The following MOB1B variants were observed in gnomAD, a reference collection of about 807,000 sequenced individuals.
MOB1B encodes MOB1 Mps One Binder homolog B.
A neutral mutation model predicts 24.4 loss-of-function variants in MOB1B; 19 were observed. The ratio of observed to expected loss-of-function variants is 0.78; its 90% CI spans 0.54 to 1.14. MOB1B has a LOEUF of 1.14. Among genes scored for constraint, MOB1B ranks in the 50% most tolerant of loss-of-function variants. MOB1B has a pLI of 0.00. For missense variants in MOB1B, 243 were observed against 259.6 expected (o/e 0.94, Z 0.44); for synonymous variants, 76 against 82.1 (o/e 0.93, Z 0.40).
chr4:70,955,873 A>G (rs1738026747), intron 1 of MOB1B, among the ~76,000 whole-genome samples: 1 of 151,956 alleles, frequency 6.6e-6, no homozygotes. Flanking sequence ...ATTACCATTT[A>G]TATTTATATA....
At chr4:70,976,525 A>G (rs1739003395) in intron 4 of MOB1B, 1 of 985,198 alleles carries the variant, frequency 1.0e-6, no homozygotes, top group Non-Finnish European at 1.2e-6. Flanking sequence ...TTACGTTTAG[A>G]TAGTCATGTT....
intron 1 of MOB1B, among the ~76,000 whole-genome samples, chr4:70,917,272 T>G (rs921592460): frequency 6.6e-6 from 1 of 152,216 alleles, no homozygotes; most frequent in African/African-American, 2.4e-5. Context: ...TATGGAAGTA[T>G]AAGGCTGGCT....
chr4:70,937,107 G>A (rs1254231146), intron 1 of MOB1B, among the ~76,000 whole-genome samples: 2 of 151,894 alleles, frequency 1.3e-5, no homozygotes, highest in African/African-American at 2.4e-5. Flanking sequence ...TAGTAGAGAC[G>A]GGGTTTTGCC....
intron 1 of MOB1B, among the ~76,000 whole-genome samples, chr4:70,955,901 C>T (rs1738027910): frequency 6.6e-6 from 1 of 151,840 alleles, no homozygotes; most frequent in Non-Finnish European, 1.5e-5. Flanking sequence ...TTTTAAATTT[C>T]ATTTTATTTT....
chr4:70,903,531 C>G (rs1735606885), intron 1 of MOB1B, among the ~76,000 whole-genome samples: 1 of 152,114 alleles, frequency 6.6e-6, no homozygotes, highest in East Asian at 1.9e-4. Flanking sequence ...GCACTCATTC[C>G]ATGTTTAGTC....
intron 1 of MOB1B, among the ~76,000 whole-genome samples, chr4:70,906,361 A>G (rs967663848): frequency 6.6e-6 from 1 of 152,178 alleles, no homozygotes; most frequent in African/African-American, 2.4e-5. Flanking sequence ...TGGACGACAG[A>G]GTGAGACCGT....
intron 1 of MOB1B, among the ~76,000 whole-genome samples, chr4:70,931,539 T>C (rs532912310): frequency 1.7e-3 from 263 of 152,318 alleles, no homozygotes; most frequent in Admixed American, 4.1e-3. Context: ...TCTGAATAAA[T>C]AGATTACCTT....
At chr4:70,946,569 C>G (rs921048605) in intron 1 of MOB1B, among the ~76,000 whole-genome samples, 1 of 152,082 alleles carries the variant, frequency 6.6e-6, no homozygotes, top group African/African-American at 2.4e-5. Flanking sequence ...TTTATTTATA[C>G]GCATGTAAGT....
intron 1 of MOB1B, among the ~76,000 whole-genome samples, chr4:70,913,870 G>A (rs1174954665): frequency 6.7e-6 from 1 of 150,270 alleles, no homozygotes; most frequent in African/African-American, 2.4e-5. Flanking sequence ...TTCTGTCATT[G>A]CTTCTAAATT....
At chr4:70,902,630 GCCC>G in intron 1 of MOB1B, 80 bp downstream of exon 1, 2 of 1,166,580 alleles carry the variant, frequency 1.7e-6, no homozygotes, top group African/African-American at 1.7e-5. Flanking sequence ...CCCGTCGCCC[GCCC>G]TCGTCCCGAC....
intron 1 of MOB1B, among the ~76,000 whole-genome samples, chr4:70,955,175 G>C (rs1442563165): frequency 6.6e-6 from 1 of 152,150 alleles, no homozygotes; most frequent in African/African-American, 2.4e-5. Context: ...GGGCAGAGTG[G>C]TTTGATTAGT....
Position 70,984,865 on chromosome 4 carries a change from TGTTA to T in MOB1B, c.*2812_*2815del, listed in dbSNP as rs1265852198. ...TTAGACTGCACTAAATTAACAAGCATGTTAGTTGCTGGTAGAGGTTTTGGAGGTT... is the reference window on the plus strand; with the variant it reads ...TTAGACTGCACTAAATTAACAAGCATGTTGCTGGTAGAGGTTTTGGAGGTT... On this transcript the variant is annotated 3_prime_UTR_variant, in exon 6 of 6. Coordinates refer to ENST00000309395, the MANE Select transcript of MOB1B (RefSeq NM_173468.4). The T allele has an allele frequency of 6.6e-6, 1 of 152,160 alleles. No individual in the cohort carries two copies. Among genetic ancestry groups the T allele is most frequent in the Non-Finnish European group, 1.5e-5 (1 of 67,998 alleles). 9.4% of individuals were successfully genotyped at this position (152,160 alleles called of 1,614,324 possible). A position where few individuals can be genotyped will look rare whatever the true frequency, so the allele number is the denominator to read the frequency against.
chr4:70,927,554 T>C (rs1329909910), intron 1 of MOB1B, among the ~76,000 whole-genome samples: 1 of 151,628 alleles, frequency 6.6e-6, no homozygotes, highest in Non-Finnish European at 1.5e-5. Context: ...AAAAAAAAAT[T>C]GCCGTCAATA....
chr4:70,940,676 AT>A (rs796738977), intron 1 of MOB1B, among the ~76,000 whole-genome samples: 412 of 141,532 alleles, frequency 2.9e-3, no homozygotes, highest in Admixed American at 2.7e-3. Flanking sequence ...TAGGGCATTA[AT>A]TTTTTTTTTT....
chr4:70,950,659 A>AAT (rs1737764488), intron 1 of MOB1B: 1 of 1,078,620 alleles, frequency 9.3e-7, no homozygotes, highest in African/African-American at 1.6e-5. Flanking sequence ...GCTTGCGGTA[A>AAT]ATGTTAGTTA....
chr4:70,975,340 A>G, intron 4 of MOB1B, 54 bp downstream of exon 4: 2 of 1,592,666 alleles, frequency 1.3e-6, no homozygotes, highest in African/African-American at 1.4e-5. Flanking sequence ...TTATATGTTT[A>G]TAGAATTTTC....
chr4:70,903,530 C>A (rs1735606763), intron 1 of MOB1B, among the ~76,000 whole-genome samples: 1 of 152,106 alleles, frequency 6.6e-6, no homozygotes, highest in Admixed American at 6.6e-5. Context: ...TGCACTCATT[C>A]CATGTTTAGT....
chr4:70,966,426 G>A (rs1738532592), intron 2 of MOB1B, among the ~76,000 whole-genome samples: 1 of 151,228 alleles, frequency 6.6e-6, no homozygotes, highest in South Asian at 2.1e-4. Context: ...CCAGGCTGGA[G>A]TGCAATGGCA....
At chr4:70,905,884 C>T (rs997067622) in intron 1 of MOB1B, among the ~76,000 whole-genome samples, 1 of 150,876 alleles carries the variant, frequency 6.6e-6, no homozygotes, top group Non-Finnish European at 1.5e-5. Flanking sequence ...GACAACATGG[C>T]GAAACTCTCT....
Sources: allele counts gnomAD v4.1 joint callset (sites outside exome capture counted in the v4.1 genomes callset), GRCh38; gene constraint gnomAD v4.1.1; transcripts MANE v1.5; gene names NCBI Gene and HGNC (gene_info 2026-07-23, HGNC 2026-07-21).